WSCD1: variants seen among roughly 807,000 people sequenced by gnomAD.
WSCD1 encodes sialate:O-sulfotransferase 1.
WSCD1 carries 41 observed loss-of-function variants against 60.4 expected under a neutral mutation model. The observed-to-expected ratio is 0.68, with a 90% CI of 0.53 to 0.88. WSCD1 has a LOEUF of 0.88. Ranked by LOEUF, WSCD1 falls within the 40% of genes least tolerant of loss-of-function variation. WSCD1 has a pLI of 0.00. For missense variants in WSCD1, 784 were observed against 796.2 expected, an observed-to-expected ratio of 0.98 and a Z score of 0.18; for synonymous variants, 361 against 332.5, an observed-to-expected ratio of 1.09 and a Z score of -0.93.
At chr17:6,089,632 C>T (rs893167189) in intron 3 of WSCD1, among the ~76,000 whole-genome samples, 13 of 152,202 alleles carry the variant, frequency 8.5e-5, no homozygotes, top group Admixed American at 2.0e-4. Flanking sequence ...GTTGTGAGCC[C>T]GTTCTAAAAC....
chr17:6,086,249 T>TCATATATATATATA (rs1909632731), intron 2 of WSCD1, among the ~76,000 whole-genome samples: 1 of 71,212 alleles, frequency 1.4e-5, no homozygotes. Flanking sequence ...CGTCCTGACT[T>TCATATATATATATA]CATATATATA....
In WSCD1 at chr17:6,110,775, T is replaced by C. The variant is rs755414391; in HGVS notation, c.1014T>C (p.Thr338=). 1 of 1,611,884 alleles carries C rather than the reference T, an allele frequency of 6.2e-7. No homozygotes were observed. Among genetic ancestry groups the C allele is most frequent in the Non-Finnish European group, 8.5e-7 (1 of 1,178,366 alleles). The change falls in exon 7 of 9, where the codon ACT becomes ACC. Residue 338 remains threonine (T), a synonymous_variant. Transcript: ENST00000317744. This position sits in a 1 kb window ranked among gnomAD's most constrained non-coding sequence, Gnocchi z 4.8. ...TGATGACTTTTGGACTTTCAGACAC[T>C]CGTTGTACAGACAGGAGGTTCCTGC... The part of the protein sequence containing the change: ...CEVYQTPVQD[T]RCTDRRFLPN...
At chr17:6,117,899 A>G (rs951212000) in intron 7 of WSCD1, 89 bp from the exon 8 acceptor site, 1 of 1,384,028 alleles carries the variant, frequency 7.2e-7, no homozygotes, top group African/African-American at 1.4e-5. Context: ...TATGCCCCTG[A>G]TGCCAGCTTT....
At chr17:6,085,402 T>C (rs1340856178) in intron 2 of WSCD1, among the ~76,000 whole-genome samples, 1 of 151,896 alleles carries the variant, frequency 6.6e-6, no homozygotes, top group African/African-American at 2.4e-5. Flanking sequence ...TGCCAAGCCT[T>C]GTATTAGACA....
At chr17:6,095,354 G>A (rs1910354527) in intron 5 of WSCD1, 131 bp downstream of exon 5, 1 of 1,275,496 alleles carries the variant, frequency 7.8e-7, no homozygotes, top group Non-Finnish European at 1.0e-6. Flanking sequence ...AAGGGGGCAT[G>A]GATGGGAGGC....
intron 2 of WSCD1, among the ~76,000 whole-genome samples, chr17:6,083,855 G>A (rs1909443129): frequency 6.6e-6 from 1 of 152,126 alleles, no homozygotes; most frequent in Admixed American, 6.5e-5. Context: ...TGACTGCAGA[G>A]TGTATATGTC....
chr17:6,099,092 G>T (rs111318684), intron 5 of WSCD1, among the ~76,000 whole-genome samples: 73 of 152,082 alleles, frequency 4.8e-4, no homozygotes, highest in African/African-American at 1.7e-3. Flanking sequence ...AAGGTCAGGG[G>T]GTACAAATTG....
chr17:6,113,185 A>G (rs1439420775), intron 7 of WSCD1, among the ~76,000 whole-genome samples: 10 of 152,220 alleles, frequency 6.6e-5, no homozygotes, highest in Admixed American at 3.9e-4. Flanking sequence ...TGCCAAGAAC[A>G]TACATTTGGG....
chr17:6,084,365 G>A (rs1909486350), intron 2 of WSCD1, among the ~76,000 whole-genome samples: 1 of 152,248 alleles, frequency 6.6e-6, no homozygotes, highest in Non-Finnish European at 1.5e-5. Context: ...TTCCTGTCGT[G>A]GGGCTCCATG....
rs151131401 is a variant in WSCD1 at position 6,074,863 on chromosome 17, C to G, written c.-289+4211C>G. Reference sequence around the variant, plus strand: ...CATTAGCTCCTCATATTAGAAAGATCACTTTCTTAGATGGAAAGGGGACAG... The same window carrying G: ...CATTAGCTCCTCATATTAGAAAGATGACTTTCTTAGATGGAAAGGGGACAG... On this transcript the variant is annotated intron_variant, in intron 1 of 8. Coordinates refer to ENST00000317744, the MANE Select transcript of WSCD1 (RefSeq NM_015253.2). 5.1e-4 allele frequency among the ~76,000 whole-genome samples: 78 copies of G among 152,140 alleles called. No homozygotes were observed. The East Asian group carries it at 0.015, about 29-fold the overall frequency.
chr17:6,069,432 AG>A (rs1908389094), upstream of WSCD1: 1 of 91,588 alleles, frequency 1.1e-5, no homozygotes, highest in Non-Finnish European at 2.1e-5. Flanking sequence ...TGTGTGTGAG[AG>A]AGAGAGAGAG....
At chr17:6,081,214 C>A in intron 2 of WSCD1, 129 bp downstream of exon 2, 2 of 1,189,870 alleles carry the variant, frequency 1.7e-6, no homozygotes, top group Non-Finnish European at 2.3e-6. Context: ...TTCTGCTCTG[C>A]AGGACAGGAA....
intron 1 of WSCD1, among the ~76,000 whole-genome samples, chr17:6,076,874 C>CAG (rs1195583258): frequency 6.6e-6 from 1 of 151,438 alleles, no homozygotes; most frequent in African/African-American, 2.4e-5. Context: ...AGCCCACCCC[C>CAG]AGGTCTCTTT....
intron 5 of WSCD1, among the ~76,000 whole-genome samples, chr17:6,102,215 A>G (rs1028656684): frequency 6.6e-6 from 1 of 152,236 alleles, no homozygotes; most frequent in African/African-American, 2.4e-5. Flanking sequence ...TTCAAATGGA[A>G]AAGCATGCAT....
intron 5 of WSCD1, among the ~76,000 whole-genome samples, chr17:6,108,606 G>A (rs757436772): frequency 2.0e-5 from 3 of 152,186 alleles, no homozygotes; most frequent in Non-Finnish European, 4.4e-5. Flanking sequence ...TGCCAGGCCC[G>A]GTGCTGGGCA....
chr17:6,095,130 C>T lies in WSCD1; in HGVS notation c.756C>T (p.Phe252=). 1 of 1,613,472 alleles carries T rather than the reference C, an allele frequency of 6.2e-7. No homozygotes were observed. The highest frequency in any genetic ancestry group is 1.1e-5 in the South Asian group (1 of 90,834). ...KRRTATYRGC[F]RLPENITHAF... ...GGACCGCCACCTACCGCGGATGCTTCCGACTGCCAGAGAACATCACACATG... is the reference window on the plus strand; with the variant it reads ...GGACCGCCACCTACCGCGGATGCTTTCGACTGCCAGAGAACATCACACATG... The change falls in exon 5 of 9, where the codon TTC becomes TTT. Residue 252 remains phenylalanine, a synonymous_variant. Coordinates refer to ENST00000317744, the MANE Select transcript of WSCD1 (RefSeq NM_015253.2).
At chr17:6,097,120 C>T (rs564958107) in intron 5 of WSCD1, among the ~76,000 whole-genome samples, 16 of 152,256 alleles carry the variant, frequency 1.1e-4, no homozygotes, top group Non-Finnish European at 1.9e-4. Context: ...ACAGAGCGGC[C>T]GGCTTTGCAG....
chr17:6,094,959 G>A, intron 4 of WSCD1, 143 bp from the exon 5 acceptor site: 1 of 1,267,474 alleles, frequency 7.9e-7, no homozygotes, highest in Non-Finnish European at 1.1e-6. Context: ...GTCCCATGCA[G>A]GGCCGTTTTC....
intron 6 of WSCD1, 36 bp downstream of exon 6, chr17:6,109,802 G>T (rs1911306354): frequency 3.1e-6 from 5 of 1,597,272 alleles, no homozygotes; most frequent in South Asian, 1.1e-5. Flanking sequence ...GTGGCATTTG[G>T]TCTGGGGGGT....
Sources: allele counts gnomAD v4.1 joint callset (sites outside exome capture counted in the v4.1 genomes callset), GRCh38; gene constraint gnomAD v4.1.1; non-coding constraint Gnocchi (gnomAD v3.1); transcripts MANE v1.5; gene names NCBI Gene and HGNC (gene_info 2026-07-23, HGNC 2026-07-21).